FLT3: variants seen among roughly 807,000 people sequenced by gnomAD.
FLT3 encodes the protein receptor-type tyrosine-protein kinase FLT3.
In FLT3, 46 loss-of-function variants were observed where a neutral mutation model predicts 126.6. That is an observed-to-expected ratio of 0.36 (90% confidence interval 0.29 to 0.46). The LOEUF is 0.46. FLT3 is among the 20% of genes least tolerant of loss of function. The probability of loss-of-function intolerance (pLI) is 1.00; values close to 1 mark genes in which losing one functional copy is unlikely to be tolerated. For synonymous variants in FLT3, 404 were observed against 434.4 expected, an observed-to-expected ratio of 0.93 and a Z score of 0.87; for missense variants, 1,069 against 1,190.3, an observed-to-expected ratio of 0.90 and a Z score of 1.50.
intron 2 of FLT3, chr13:28,067,970 AC>A (rs1399398451): frequency 3.3e-6 from 1 of 304,014 alleles, no homozygotes; most frequent in East Asian, 9.2e-5. Context: ...AACTCCAGTA[AC>A]TTCAGTTCTT....
chr13:28,060,263 A>G (rs140886793), intron 3 of FLT3, among the ~76,000 whole-genome samples: 3,025 of 150,286 alleles, frequency 0.02, 94 homozygotes, highest in African/African-American at 0.069. Flanking sequence ...AAAAATGAAA[A>G]CAAAAAACAT....
At chr13:28,017,545 A>G (rs955548927) in intron 20 of FLT3, among the ~76,000 whole-genome samples, 8 of 152,178 alleles carry the variant, frequency 5.3e-5, no homozygotes, top group African/African-American at 1.9e-4. Context: ...TAATTCTTTA[A>G]AAACACACAT....
At chr13:28,052,994 A>C (rs1402062768) in intron 4 of FLT3, among the ~76,000 whole-genome samples, 1 of 152,230 alleles carries the variant, frequency 6.6e-6, no homozygotes. Flanking sequence ...AATTAGCAAT[A>C]ACATATGGCT....
chr13:28,087,511 A>T (rs4142559), intron 1 of FLT3, among the ~76,000 whole-genome samples: 81,940 of 152,000 alleles, frequency 0.54, 23,285 homozygotes, highest in East Asian at 0.73. Context: ...TAGTTGTCAT[A>T]AGTCATGTGT....
intron 15 of FLT3, among the ~76,000 whole-genome samples, chr13:28,029,477 C>T (rs760409541): frequency 6.6e-6 from 1 of 152,200 alleles, no homozygotes; most frequent in Non-Finnish European, 1.5e-5. Context: ...GGACTTTCCT[C>T]TACCTACCAA....
rs748464789 is a variant in FLT3 at position 28,015,276 on chromosome 13, A to G, written c.2654-20T>C. On this transcript the variant is annotated intron_variant, in intron 21 of 23. Coordinates refer to ENST00000241453, the MANE Select transcript of FLT3 (RefSeq NM_004119.3). ...TCACACCTGAGGAAAACATTAGACA[A>G]TTGCAGCCATTCATCCATTTCTTCA... 3 of 1,403,100 alleles carry G rather than the reference A, an allele frequency of 2.1e-6. No homozygotes were observed. Among genetic ancestry groups the G allele is most frequent in the Admixed American group, 1.7e-5 (1 of 59,038 alleles). 86.9% of individuals were successfully genotyped at this position (1,403,100 alleles called of 1,614,324 possible). A position where few individuals can be genotyped will look rare whatever the true frequency, so the allele number is the denominator to read the frequency against.
At chr13:28,040,720 C>T (rs1294878324) in intron 9 of FLT3, among the ~76,000 whole-genome samples, 4 of 152,120 alleles carry the variant, frequency 2.6e-5, no homozygotes, top group African/African-American at 7.2e-5. Flanking sequence ...CCTTTGGGTG[C>T]GTGCAGGGGT....
chr13:28,036,961 G>A (rs1420243995), intron 10 of FLT3, among the ~76,000 whole-genome samples: 1 of 152,204 alleles, frequency 6.6e-6, no homozygotes, highest in Non-Finnish European at 1.5e-5. Context: ...GCGTGGTAGA[G>A]TGAGACCTGG....
intron 22 of FLT3, 74 bp downstream of exon 22, chr13:28,015,083 T>G: frequency 2.2e-6 from 2 of 890,854 alleles, no homozygotes; most frequent in South Asian, 2.9e-5. Flanking sequence ...TTGACTTTTT[T>G]TGGTCATGCA....
intron 1 of FLT3, among the ~76,000 whole-genome samples, chr13:28,087,382 G>A (rs1305155719): frequency 1.3e-5 from 2 of 152,122 alleles, no homozygotes; most frequent in African/African-American, 4.8e-5. Flanking sequence ...ACTGTCTTTT[G>A]ACTTACATAG....
At chr13:28,091,212 T>C (rs1388559307) in intron 1 of FLT3, among the ~76,000 whole-genome samples, 4 of 79,658 alleles carry the variant, frequency 5.0e-5, no homozygotes, top group African/African-American at 1.8e-4. Context: ...ATTTTCTTTT[T>C]TTTTTTTTTT....
At chr13:28,054,496 A>G (rs548490682) in intron 4 of FLT3, among the ~76,000 whole-genome samples, 67 of 152,010 alleles carry the variant, frequency 4.4e-4, no homozygotes, top group African/African-American at 1.5e-3. Flanking sequence ...GTGAGGCGGG[A>G]GGATCGCTTG....
At chr13:28,083,847 T>C (rs1878481738) in intron 1 of FLT3, among the ~76,000 whole-genome samples, 1 of 152,204 alleles carries the variant, frequency 6.6e-6, no homozygotes, top group Non-Finnish European at 1.5e-5. Flanking sequence ...ATTCCTGATA[T>C]TGGCAATTCA....
chr13:28,036,439 G>A (rs567424701), intron 10 of FLT3, among the ~76,000 whole-genome samples: 27 of 152,238 alleles, frequency 1.8e-4, no homozygotes, highest in African/African-American at 5.8e-4. Context: ...AGAGAGCTGA[G>A]GTACAGACCT....
intron 9 of FLT3, among the ~76,000 whole-genome samples, chr13:28,047,310 G>C (rs1874969838): frequency 6.6e-6 from 1 of 152,172 alleles, no homozygotes; most frequent in Non-Finnish European, 1.5e-5. Context: ...CCAAAACCAT[G>C]TTCCATAGCA....
intron 16 of FLT3, among the ~76,000 whole-genome samples, chr13:28,027,457 T>A (rs984755228): frequency 2.0e-5 from 3 of 152,264 alleles, no homozygotes; most frequent in Non-Finnish European, 4.4e-5. Context: ...ACATTCTCTG[T>A]GGCCCTTTTT....
intron 3 of FLT3, among the ~76,000 whole-genome samples, chr13:28,061,656 G>T (rs1876575206): frequency 6.6e-6 from 1 of 151,934 alleles, no homozygotes; most frequent in South Asian, 2.1e-4. Context: ...TGTAGTCCCA[G>T]CTACTTGGGA....
intron 12 of FLT3, among the ~76,000 whole-genome samples, chr13:28,034,951 A>G: frequency 6.6e-6 from 1 of 151,838 alleles, no homozygotes; most frequent in East Asian, 1.9e-4. Context: ...TCTCAAAAAA[A>G]AAAATGCATG....
At position 28,057,069 on chromosome 13, in the gene FLT3, C is replaced by T. The variant is rs773812325; in HGVS notation, c.484+278G>A. Among the ~76,000 whole-genome samples, 3 of 152,318 alleles carry T rather than the reference C, an allele frequency of 2.0e-5. No homozygotes were observed. In the East Asian group the frequency reaches 5.8e-4, roughly 29 times the overall value. On this transcript the variant is annotated intron_variant, in intron 4 of 23. Transcript: ENST00000241453. ...TCCAAGGTCAAAATGTTTTCCATTT[C>T]TTCCCTGTCAGCCATCTGCTACTGA...
Sources: gnomAD v4.1 joint callset for allele counts (sites outside exome capture counted in the v4.1 genomes callset) on GRCh38, gnomAD v4.1.1 for gene constraint, MANE v1.5 for transcripts, NCBI Gene and HGNC (gene_info 2026-07-23, HGNC 2026-07-21) for gene names.